The following USP14 variants were observed in gnomAD, a reference collection of about 807,000 sequenced individuals.
USP14 encodes the protein ubiquitin specific peptidase 14, also known as ubiquitin carboxyl-terminal hydrolase 14.
A neutral mutation model predicts 76.5 loss-of-function variants in USP14; 38 were observed. That is an observed-to-expected ratio of 0.50 (90% confidence interval 0.38 to 0.65). The LOEUF (loss-of-function observed/expected upper bound fraction) is 0.65. USP14 is among the 30% of genes least tolerant of loss of function. The pLI is 0.00. For synonymous variants in USP14, 192 were observed against 191.7 expected (o/e 1.00, Z -0.01); for missense variants, 467 against 586.5 (o/e 0.80, Z 2.10).
intron 1 of USP14, chr18:158,977 G>A (rs891791174): frequency 1.5e-5 from 6 of 410,908 alleles, no homozygotes; most frequent in African/African-American, 6.2e-5. Context: ...TCGTGACTCT[G>A]CAGAATAGTT....
At chr18:173,340 T>C (rs745402739) in intron 3 of USP14, among the ~76,000 whole-genome samples, 2 of 152,040 alleles carry the variant, frequency 1.3e-5, no homozygotes, top group Non-Finnish European at 2.9e-5. Flanking sequence ...CTCTATCTCC[T>C]GACCTCGTGA....
chr18:178,059 G>A (rs533794054), intron 3 of USP14, among the ~76,000 whole-genome samples: 41 of 151,948 alleles, frequency 2.7e-4, no homozygotes, highest in South Asian at 1.0e-3. Flanking sequence ...TCCCTCTGTC[G>A]CGCAGGCTGG....
intron 3 of USP14, among the ~76,000 whole-genome samples, chr18:177,398 G>A (rs1228347331): frequency 6.7e-6 from 1 of 149,604 alleles, no homozygotes; most frequent in Non-Finnish European, 1.5e-5. Flanking sequence ...CTCCTGCCTG[G>A]GTGACAGAGT....
intron 3 of USP14, among the ~76,000 whole-genome samples, chr18:170,646 A>AT (rs796783974): frequency 7.9e-5 from 12 of 152,336 alleles, no homozygotes; most frequent in African/African-American, 2.9e-4. Flanking sequence ...AACTAGCCAC[A>AT]ACATTTTCTT....
chr18:169,568 C>G (rs529960302), intron 3 of USP14, among the ~76,000 whole-genome samples: 4 of 151,598 alleles, frequency 2.6e-5, no homozygotes, highest in Non-Finnish European at 5.9e-5. Flanking sequence ...ATGTGCAGTT[C>G]TCAAATTTCT....
In USP14 at chr18:168,887, T is replaced by C. The variant is rs550651348; in HGVS notation, c.195+2068T>C. Reference sequence around the variant, plus strand: ...GAGATCGAGACCATCCTGGCTAACATGGTGAAACTCCGTCTCTACTAAAAA... The same window carrying C: ...GAGATCGAGACCATCCTGGCTAACACGGTGAAACTCCGTCTCTACTAAAAA... On this transcript the variant is annotated intron_variant, in intron 3 of 15. Transcript: ENST00000261601. 4.0e-4 allele frequency among the ~76,000 whole-genome samples: 59 copies of C among 147,826 alleles called. 1 individual carries two copies. The highest frequency in any genetic ancestry group is 4.2e-4 in the East Asian group (2 of 4,766).
At chr18:204,785 T>C in intron 13 of USP14, 93 bp downstream of exon 13, 2 of 1,454,460 alleles carry the variant, frequency 1.4e-6, no homozygotes, top group East Asian at 2.3e-5. Context: ...GCTTCATTTT[T>C]CCTTCAGAAC....
In USP14 at chr18:158,703, C is replaced by G; in HGVS notation, c.5C>G (p.Pro2Arg). 6.5e-7 allele frequency: 1 copy of G among 1,535,542 alleles called. No homozygotes were observed. Among genetic ancestry groups the G allele is most frequent in the Non-Finnish European group, 8.7e-7 (1 of 1,150,754 alleles). MPLYSVTVKWGK... is the reference protein window; with the variant it reads MRLYSVTVKWGK... ...CGCCTCCCGCCGCGCCCCGCCATGC[C>G]GCTCTACTCCGGTGAGCCCTGTCCT... is the stretch of plus-strand genomic sequence containing the variant. The change falls in exon 1 of 16, where the codon CCG (proline) becomes CGG (arginine). Residue 2 changes from proline (P) to arginine (R), a missense_variant. Pro to Arg is a moderately radical substitution (Grantham distance 103, BLOSUM62 -2). Coordinates refer to ENST00000261601, the MANE Select transcript of USP14 (RefSeq NM_005151.4).
intron 4 of USP14, 113 bp from the exon 5 acceptor site, chr18:180,123 G>A (rs1909745231): frequency 5.7e-6 from 3 of 529,396 alleles, no homozygotes; most frequent in Non-Finnish European, 9.6e-6. Flanking sequence ...ATTGGTAGAA[G>A]CTAGTAAATG....
chr18:188,507 CTTTT>C (rs1157960535), intron 5 of USP14, among the ~76,000 whole-genome samples: 2 of 122,486 alleles, frequency 1.6e-5, no homozygotes, highest in Non-Finnish European at 3.5e-5. Context: ...CTCCCTCTGG[CTTTT>C]TTTTTTTTTT....
intron 7 of USP14, 118 bp downstream of exon 7, chr18:196,885 C>T (rs1354334975): frequency 2.1e-5 from 28 of 1,310,018 alleles, no homozygotes; most frequent in South Asian, 2.0e-4. Context: ...GTTCATGCCA[C>T]GGCTGTCTCT....
At chr18:179,236 A>AG (rs1438987827) in intron 4 of USP14, among the ~76,000 whole-genome samples, 199 bp downstream of exon 4, 27 of 152,098 alleles carry the variant, frequency 1.8e-4, no homozygotes, top group Admixed American at 1.8e-3. Context: ...AGGCACAGCT[A>AG]GGGGTTTTTT....
chr18:208,711 G>T (rs1910592016), intron 13 of USP14, among the ~76,000 whole-genome samples: 1 of 151,960 alleles, frequency 6.6e-6, no homozygotes, highest in Non-Finnish European at 1.5e-5. Flanking sequence ...TGCCATTGTG[G>T]TGACAGAACA....
chr18:188,507 CTT>C (rs1157960535), intron 5 of USP14, among the ~76,000 whole-genome samples: 1 of 122,444 alleles, frequency 8.2e-6, no homozygotes, highest in Non-Finnish European at 1.7e-5. Flanking sequence ...CTCCCTCTGG[CTT>C]TTTTTTTTTT....
intron 1 of USP14, 165 bp downstream of exon 1, chr18:158,879 C>A: frequency 8.8e-7 from 1 of 1,136,948 alleles, no homozygotes; most frequent in Non-Finnish European, 1.1e-6. Flanking sequence ...CCTCTCCCGG[C>A]TGGGTCGGAG....
chr18:183,557 T>C (rs1318002259), intron 5 of USP14, among the ~76,000 whole-genome samples: 1 of 152,094 alleles, frequency 6.6e-6, no homozygotes, highest in African/African-American at 2.4e-5. Context: ...TAAATTTTTA[T>C]AATTTTTATG....
chr18:166,571 G>GATTT (rs1216318679), intron 2 of USP14, among the ~76,000 whole-genome samples: 1 of 152,148 alleles, frequency 6.6e-6, no homozygotes, highest in Admixed American at 6.6e-5. Flanking sequence ...GACCGCAGGT[G>GATTT]ATTTGCCTGC....
chr18:199,087 T>TA (rs1910318612), intron 9 of USP14, 115 bp from the exon 10 acceptor site: 1 of 649,906 alleles, frequency 1.5e-6, no homozygotes, highest in African/African-American at 1.9e-5. Flanking sequence ...TAAAAGGTTT[T>TA]AAATGCCAAT....
rs1175596517 is a variant in USP14, at chr18:210,507, T to C, written c.1333+14T>C. 12 of 1,503,872 alleles carry C rather than the reference T, an allele frequency of 8.0e-6. No individual in the cohort carries two copies. Among genetic ancestry groups the C allele is most frequent in the Non-Finnish European group, 1.0e-5 (11 of 1,095,796 alleles). The allele number at this position is 1,503,872 out of a possible 1,614,324, so 93.2% of individuals were successfully genotyped here. ...AAAGGAAACAAGGTAAAGGGTATTC[T>C]TTTTTCAACTGTTCAATATTATTTT... is the stretch of plus-strand genomic sequence containing the variant. On this transcript the variant is annotated intron_variant, in intron 15 of 15. Coordinates refer to ENST00000261601, the MANE Select transcript of USP14 (RefSeq NM_005151.4).
Sources: allele counts gnomAD v4.1 joint callset (sites outside exome capture counted in the v4.1 genomes callset), GRCh38; gene constraint gnomAD v4.1.1; transcripts MANE v1.5; gene names NCBI Gene and HGNC (gene_info 2026-07-23, HGNC 2026-07-21).